Variants in DPP10 observed in about 807,000 individuals in gnomAD.
DPP10 encodes inactive dipeptidyl peptidase 10.
DPP10 carries 33 observed loss-of-function variants against 120.9 expected under a neutral mutation model. The observed-to-expected ratio is 0.27, with a 90% CI of 0.21 to 0.37. The LOEUF is 0.37. Among genes scored for constraint, DPP10 ranks in the 10% least tolerant of loss-of-function variants. The pLI is 1.00. For synonymous variants in DPP10, 337 were observed against 326.1 expected (o/e 1.03, Z -0.36); for missense variants, 816 against 942.8 (o/e 0.87, Z 1.76).
intron 5 of DPP10, among the ~76,000 whole-genome samples, chr2:115,544,474 C>A (rs1438818865): frequency 6.6e-6 from 1 of 151,900 alleles, no homozygotes; most frequent in Admixed American, 6.6e-5. Flanking sequence ...CAATTGAGGC[C>A]ATGGGAAATA....
intron 2 of DPP10, chr2:115,342,266 G>T (rs183980812): frequency 3.5e-4 from 133 of 383,198 alleles, no homozygotes; most frequent in Non-Finnish European, 1.5e-4. Flanking sequence ...TGGTGCAGTG[G>T]TGCGATCTCA....
chr2:115,833,476 C>T (rs900455716), intron 21 of DPP10, among the ~76,000 whole-genome samples: 6 of 152,164 alleles, frequency 3.9e-5, no homozygotes, highest in Non-Finnish European at 7.3e-5. Context: ...AATGCTCCCT[C>T]TAGGGACAAC....
chr2:114,674,821 A>T (rs1009061551), intron 1 of DPP10, among the ~76,000 whole-genome samples: 3 of 152,342 alleles, frequency 2.0e-5, no homozygotes, highest in Admixed American at 6.5e-5. Context: ...GCCCACTGGG[A>T]TTTCATCTAA....
intron 1 of DPP10, among the ~76,000 whole-genome samples, chr2:114,479,411 G>GA (rs57691260): frequency 0.04 from 6,032 of 150,036 alleles, 285 homozygotes; most frequent in African/African-American, 0.11. Flanking sequence ...ATGAAAAAAT[G>GA]AAAAAAAAAC....
At chr2:115,103,609 A>G (rs2048808428) in intron 1 of DPP10, among the ~76,000 whole-genome samples, 1 of 152,218 alleles carries the variant, frequency 6.6e-6, no homozygotes, top group Non-Finnish European at 1.5e-5. Context: ...TGAGAAAGGA[A>G]TATAGATGAT....
At chr2:115,103,071 A>G (rs2048771195) in intron 1 of DPP10, among the ~76,000 whole-genome samples, 1 of 152,208 alleles carries the variant, frequency 6.6e-6, no homozygotes, top group South Asian at 2.1e-4. Flanking sequence ...ATAAAAAATG[A>G]ACTCTAAAAC....
intron 3 of DPP10, among the ~76,000 whole-genome samples, chr2:115,451,956 A>C (rs1003089081): frequency 2.0e-5 from 3 of 151,834 alleles, no homozygotes; most frequent in Non-Finnish European, 4.4e-5. Context: ...AAATCCCCCC[A>C]AAATGGAACT....
intron 1 of DPP10, among the ~76,000 whole-genome samples, chr2:114,556,493 G>A (rs760894688): frequency 3.3e-5 from 5 of 151,674 alleles, no homozygotes; most frequent in Admixed American, 1.3e-4. Flanking sequence ...GGAATTTGGA[G>A]GACACAAGTA....
At chr2:115,380,489 G>A (rs950867747) in intron 3 of DPP10, among the ~76,000 whole-genome samples, 1 of 152,096 alleles carries the variant, frequency 6.6e-6, no homozygotes, top group African/African-American at 2.4e-5. Flanking sequence ...ACACTGATAG[G>A]TCTTGACTCT....
At chr2:114,748,367 TTTA>T (rs1483681599) in intron 1 of DPP10, among the ~76,000 whole-genome samples, 2,803 of 96,100 alleles carry the variant, frequency 0.029, 69 homozygotes, top group African/African-American at 0.051. Context: ...TTTTATTTTA[TTTA>T]TTTATTTATT....
chr2:114,521,980 T>C (rs1182924043), intron 1 of DPP10, among the ~76,000 whole-genome samples: 1 of 110,990 alleles, frequency 9.0e-6, no homozygotes, highest in East Asian at 2.4e-4. Context: ...GCTAATTTTT[T>C]GTATTTTTTT....
intron 1 of DPP10, among the ~76,000 whole-genome samples, chr2:114,703,156 A>G (rs895316051): frequency 4.6e-5 from 7 of 152,186 alleles, no homozygotes; most frequent in Non-Finnish European, 8.8e-5. Context: ...ATGGAAAGTT[A>G]TATGTTGTAA....
At position 114,626,017 on chromosome 2, in the gene DPP10, T is replaced by C. The variant is rs562920017; in HGVS notation, c.60+183179T>C. Among the ~76,000 whole-genome samples the C allele has an allele frequency of 2.4e-3, 366 of 151,462 alleles. 2 individuals are homozygous for C. Among genetic ancestry groups the C allele is most frequent in the African/African-American group, 8.4e-3 (347 of 41,428 alleles). On this transcript the variant is annotated intron_variant, in intron 1 of 25. Transcript: ENST00000410059. Reference sequence around the variant, plus strand: ...TACTTTTTTTTTTTAGAAAATAAAATATATTATAAATTTATACTGATGACT... The same window carrying C: ...TACTTTTTTTTTTTAGAAAATAAAACATATTATAAATTTATACTGATGACT...
intron 1 of DPP10, among the ~76,000 whole-genome samples, chr2:115,075,317 T>A (rs1707696454): frequency 6.6e-6 from 1 of 152,196 alleles, no homozygotes. Flanking sequence ...TCAGCAATCC[T>A]AGAAGAGAAG....
intron 1 of DPP10, among the ~76,000 whole-genome samples, chr2:114,814,625 C>G (rs571021277): frequency 6.7e-6 from 1 of 148,752 alleles, no homozygotes; most frequent in East Asian, 1.9e-4. Flanking sequence ...GATATGGTGG[C>G]TCTCGAGGGT....
intron 3 of DPP10, among the ~76,000 whole-genome samples, chr2:115,388,303 G>T (rs979374548): frequency 6.6e-6 from 1 of 152,202 alleles, no homozygotes; most frequent in Non-Finnish European, 1.5e-5. Context: ...TATGACATAA[G>T]GTGGAAATTG....
At chr2:115,045,488 T>C (rs913440829) in intron 1 of DPP10, among the ~76,000 whole-genome samples, 12 of 152,214 alleles carry the variant, frequency 7.9e-5, no homozygotes, top group Non-Finnish European at 1.6e-4. Flanking sequence ...TCTTATTATT[T>C]CTTTGAATAA....
At chr2:114,450,322 T>C (rs1283070976) in intron 1 of DPP10, among the ~76,000 whole-genome samples, 2 of 152,184 alleles carry the variant, frequency 1.3e-5, no homozygotes, top group African/African-American at 4.8e-5. Flanking sequence ...TAATCGCCGA[T>C]GTTCTCATAT....
chr2:115,014,594 C>G (rs929879391), intron 1 of DPP10, among the ~76,000 whole-genome samples: 12 of 151,596 alleles, frequency 7.9e-5, no homozygotes, highest in Non-Finnish European at 1.5e-4. Context: ...AGACCAGTAG[C>G]CAGACTAATA....
Sources: gnomAD v4.1 joint callset for allele counts (sites outside exome capture counted in the v4.1 genomes callset) on GRCh38, gnomAD v4.1.1 for gene constraint, MANE v1.5 for transcripts, NCBI Gene and HGNC (gene_info 2026-07-23, HGNC 2026-07-21) for gene names.